The following CHMP7 variants were observed in gnomAD, a reference collection of about 807,000 sequenced individuals.
CHMP7 encodes CHMP family, member 7.
In CHMP7, 15 loss-of-function variants were observed where a neutral mutation model predicts 53.7. The ratio of observed to expected loss-of-function variants is 0.28; its 90% CI spans 0.19 to 0.43. The LOEUF is 0.43. CHMP7 is among the 20% of genes least tolerant of loss of function. The pLI, the probability that CHMP7 is intolerant of heterozygous loss-of-function variation, is 1.00. For synonymous variants in CHMP7, 261 were observed against 228.0 expected (o/e 1.14, Z -1.30); for missense variants, 527 against 569.4 (o/e 0.93, Z 0.76).
chr8:23,249,279 TG>T lies in CHMP7; in HGVS notation c.373del (p.Val125SerfsTer4). ...ACAGCAGCTGGATCTCCTGGGGGGTTGGGGTCTTCCTGCTGAAGCCTCTCAA... is the reference window on the plus strand; with the variant it reads ...ACAGCAGCTGGATCTCCTGGGGGGTTGGGTCTTCCTGCTGAAGCCTCTCAA... Reference protein sequence around the residue: ...VDSSWISWGVGVFLLKPLKWT... With the variant: ...VDSSWISWGVXVFLLKPLKWT... On this transcript the variant is annotated frameshift_variant, in exon 3 of 11. Transcript: ENST00000397677. LOFTEE classifies it high-confidence loss of function. The T allele has an allele frequency of 6.2e-7, 1 of 1,613,202 alleles. No homozygotes were observed.
intron 9 of CHMP7, among the ~76,000 whole-genome samples, chr8:23,259,603 C>T (rs566514789): frequency 5.4e-4 from 82 of 152,194 alleles, no homozygotes; most frequent in African/African-American, 1.9e-3. Flanking sequence ...CGTGATCCGC[C>T]GGCCTCGGCC....
chr8:23,257,234 C>T (rs980110919), intron 5 of CHMP7, among the ~76,000 whole-genome samples: 1 of 151,840 alleles, frequency 6.6e-6, no homozygotes, highest in African/African-American at 2.4e-5. Flanking sequence ...GTAGCTGGGA[C>T]CACAAGTGTG....
chr8:23,247,146 G>A, intron 2 of CHMP7, 152 bp downstream of exon 2: 3 of 740,616 alleles, frequency 4.1e-6, no homozygotes, highest in Non-Finnish European at 6.1e-6. Flanking sequence ...AGGCGAAGAA[G>A]GAAAATAAGG....
intron 3 of CHMP7, among the ~76,000 whole-genome samples, chr8:23,252,195 C>CTTTTTTTTTTTTTT (rs373288680): frequency 0.2 from 20,355 of 101,982 alleles, 4,539 homozygotes; most frequent in Non-Finnish European, 0.28. Flanking sequence ...ATTGTGTTAT[C>CTTTTTTTTTTTTTT]TTTTTTTTTT....
chr8:23,253,395 T>C (rs1802001694), intron 3 of CHMP7, among the ~76,000 whole-genome samples: 1 of 152,226 alleles, frequency 6.6e-6, no homozygotes, highest in Admixed American at 6.5e-5. Context: ...GCAATTCTCC[T>C]GCCTCAGCCT....
chr8:23,249,135 T>C, intron 2 of CHMP7, 75 bp from the exon 3 acceptor site: 1 of 1,291,742 alleles, frequency 7.7e-7, no homozygotes, highest in Non-Finnish European at 1.1e-6. Flanking sequence ...TCTTTTAGGG[T>C]AAAGGGGGAG....
chr8:23,244,682 C>T (rs1403897616), intron 1 of CHMP7, among the ~76,000 whole-genome samples: 1 of 152,096 alleles, frequency 6.6e-6, no homozygotes, highest in Admixed American at 6.5e-5. Context: ...AATAACTAGC[C>T]ATGATTTTCA....
chr8:23,261,898 C>A lies in CHMP7; in HGVS notation c.*1299C>A, dbSNP rs1175766776. The A allele has an allele frequency of 6.6e-6, 1 of 152,646 alleles. No homozygotes were observed. Among genetic ancestry groups the A allele is most frequent in the Non-Finnish European group, 1.5e-5 (1 of 68,042 alleles). The allele number at this position is 152,646 out of a possible 1,614,324, so 9.5% of individuals were successfully genotyped here. On this transcript the variant is annotated 3_prime_UTR_variant, in exon 11 of 11. Coordinates refer to ENST00000397677, the MANE Select transcript of CHMP7 (RefSeq NM_152272.5). ...AAATCGTTGTTCAATGAATTTCTCT[C>A]CAACTCGACCTTGGTAAACGGAAAT...
intron 2 of CHMP7, chr8:23,248,147 C>T (rs547086474): frequency 1.8e-5 from 8 of 456,000 alleles, no homozygotes; most frequent in Non-Finnish European, 3.5e-5. Flanking sequence ...CAGTGGAAAC[C>T]GTTTTCGTTC....
chr8:23,256,907 G>A (rs989229417), intron 5 of CHMP7, among the ~76,000 whole-genome samples: 18 of 148,348 alleles, frequency 1.2e-4, no homozygotes, highest in East Asian at 4.0e-4. Context: ...ATTTTCCTGC[G>A]CCAGCCTCCC....
At chr8:23,254,839 C>T (rs1439213867) in intron 3 of CHMP7, 1 of 294,600 alleles carries the variant, frequency 3.4e-6, no homozygotes, top group Non-Finnish European at 6.7e-6. Flanking sequence ...GAGAGTGATA[C>T]TGAGGACTAG....
chr8:23,247,313 A>G (rs1801739993), intron 2 of CHMP7, among the ~76,000 whole-genome samples: 1 of 152,196 alleles, frequency 6.6e-6, no homozygotes, highest in African/African-American at 2.4e-5. Context: ...GTTGTTTCCT[A>G]AGGGCCTCCA....
intron 4 of CHMP7, 68 bp downstream of exon 4, chr8:23,255,500 C>T (rs1294849456): frequency 1.3e-6 from 2 of 1,483,402 alleles, no homozygotes; most frequent in African/African-American, 2.8e-5. Flanking sequence ...GTAGTGAGCC[C>T]TTATCTCAGA....
Position 23,246,920 on chromosome 8 carries a change from G to C in CHMP7, c.225G>C (p.Arg75=), listed in dbSNP as rs1226428957. 6.4e-7 allele frequency: 1 copy of C among 1,568,418 alleles called. No individual in the cohort carries two copies. Among genetic ancestry groups the C allele is most frequent in the South Asian group, 1.2e-5 (1 of 85,732 alleles). The change falls in exon 2 of 11, where the codon CGG becomes CGC. Residue 75 remains arginine (R), a synonymous_variant. Transcript: ENST00000397677. ...AGGGGGTGGTGCGCCTGCGTCTGCG[G>C]GACTTGCAGGAGGCCTTTCAGCGCA... The part of the protein sequence containing the change: ...RRQGVVRLRL[R]DLQEAFQRKG...
intron 7 of CHMP7, 114 bp from the exon 8 acceptor site, chr8:23,258,618 T>A (rs1055003653): frequency 8.4e-7 from 1 of 1,196,242 alleles, no homozygotes; most frequent in African/African-American, 1.5e-5. Flanking sequence ...TAGGGTAAAT[T>A]GAGCTTGGGT....
At chr8:23,258,991 A>T in intron 8 of CHMP7, 75 bp from the exon 9 acceptor site, 2 of 1,117,756 alleles carry the variant, frequency 1.8e-6, no homozygotes, top group Non-Finnish European at 2.8e-6. Context: ...TTGTAACCCT[A>T]GATATTTTCC....
rs1375588063 is a variant in CHMP7 at position 23,261,850 on chromosome 8, A to T, written c.*1251A>T. ...GAGGTGGCGTAGAGCAGAGGAGAAG[A>T]ATTTGCTCCAGGCCAGGAGCACAAA... is the stretch of plus-strand genomic sequence containing the variant. On this transcript the variant is annotated 3_prime_UTR_variant, in exon 11 of 11. Transcript: ENST00000397677. 6.6e-6 allele frequency: 1 copy of T among 152,616 alleles called. No homozygotes were observed. The highest frequency in any genetic ancestry group is 1.5e-5 in the Non-Finnish European group (1 of 68,034). The allele number at this position is 152,616 out of a possible 1,614,324, so 9.5% of individuals were successfully genotyped here. A position where few individuals can be genotyped will look rare whatever the true frequency, so the allele number is the denominator to read the frequency against.
intron 4 of CHMP7, 66 bp downstream of exon 4, chr8:23,255,498 C>T (rs753780033): frequency 1.4e-4 from 206 of 1,486,766 alleles, no homozygotes; most frequent in Non-Finnish European, 1.8e-4. Context: ...GAGTAGTGAG[C>T]CCTTATCTCA....
Position 23,249,337 on chromosome 8 carries a change from A to C in CHMP7, c.427A>C (p.Lys143Gln). Reference protein sequence around the residue: ...WTLSNMLGDNKVPAEEVLVAV... With the variant: ...WTLSNMLGDNQVPAEEVLVAV... ...TCTTTCTAACATGCTGGGAGATAAT[A>C]AGGTTCCAGCTGAGGAGGTCCTTGT... is the stretch of plus-strand genomic sequence containing the variant. Residue 143 changes from lysine to glutamine, a missense_variant, in exon 3 of 11, where the codon AAG (lysine) becomes CAG (glutamine). Transcript: ENST00000397677. 6.2e-7 allele frequency: 1 copy of C among 1,612,062 alleles called. No homozygotes were observed. Among genetic ancestry groups the C allele is most frequent in the Non-Finnish European group, 8.5e-7 (1 of 1,179,166 alleles).
Sources: gnomAD v4.1 joint callset for allele counts (sites outside exome capture counted in the v4.1 genomes callset) on GRCh38, gnomAD v4.1.1 for gene constraint, MANE v1.5 for transcripts, NCBI Gene and HGNC (gene_info 2026-07-23, HGNC 2026-07-21) for gene names.